SLC9A7: variants seen among roughly 807,000 people sequenced by gnomAD.
The protein encoded by SLC9A7 is sodium/hydrogen exchanger 7.
A neutral mutation model predicts 52.6 loss-of-function variants in SLC9A7; 19 were observed. The ratio of observed to expected loss-of-function variants is 0.36; its 90% CI spans 0.25 to 0.53. The LOEUF (loss-of-function observed/expected upper bound fraction) is 0.53, where lower values mean the gene tolerates loss of function less well. Among genes scored for constraint, SLC9A7 ranks in the 20% least tolerant of loss-of-function variants. SLC9A7 has a pLI of 0.91. For synonymous variants in SLC9A7, 226 were observed against 252.1 expected, an observed-to-expected ratio of 0.90 and a Z score of 0.98; for missense variants, 455 against 597.9, an observed-to-expected ratio of 0.76 and a Z score of 2.49.
At chrX:46,663,053 G>C (rs970216879) in intron 5 of SLC9A7, among the ~76,000 whole-genome samples, 1 of 112,692 alleles carries the variant, frequency 8.9e-6, no homozygotes, top group Non-Finnish European at 1.9e-5. Flanking sequence ...TGAGATTTTG[G>C]TCGGGCATGG....
At chrX:46,657,751 T>C in intron 7 of SLC9A7, among the ~76,000 whole-genome samples, 1 of 111,109 alleles carries the variant, frequency 9.0e-6, no homozygotes, top group Non-Finnish European at 1.9e-5. Context: ...CAAAGAGACT[T>C]AGACTCCCAC....
chrX:46,717,830 T>C (rs994456552), intron 1 of SLC9A7, among the ~76,000 whole-genome samples: 7 of 111,915 alleles, frequency 6.3e-5, no homozygotes, highest in African/African-American at 1.6e-4. Flanking sequence ...TCCATGCTCA[T>C]GGATAGGAAG....
In SLC9A7 at chrX:46,603,074, T is replaced by G. The variant is rs1439639142; in HGVS notation, c.*3878A>C. ...CAAAGGCAAGAAAGGGAGACCAGCCTGCATTTCCAGCTTCCTAACACACAA... is the reference window on the plus strand; with the variant it reads ...CAAAGGCAAGAAAGGGAGACCAGCCGGCATTTCCAGCTTCCTAACACACAA... On this transcript the variant is annotated 3_prime_UTR_variant, in exon 17 of 17. Transcript: ENST00000616978. 2 of 111,822 alleles carry G rather than the reference T, an allele frequency of 1.8e-5. No individual in the cohort carries two copies. The highest frequency in any genetic ancestry group is 3.8e-5 in the Non-Finnish European group (2 of 53,121). 9.2% of individuals were successfully genotyped at this position (111,822 alleles called of 1,213,427 possible). A position where few individuals can be genotyped will look rare whatever the true frequency, so the allele number is the denominator to read the frequency against.
chrX:46,640,533 GA>G (rs1168809717), intron 12 of SLC9A7, among the ~76,000 whole-genome samples: 2 of 110,276 alleles, frequency 1.8e-5, no homozygotes, highest in African/African-American at 3.3e-5. Flanking sequence ...ACCCATAAAA[GA>G]AAAAAAATGA....
intron 13 of SLC9A7, among the ~76,000 whole-genome samples, chrX:46,634,102 A>G (rs761731146): frequency 3.0e-4 from 34 of 111,911 alleles, no homozygotes; most frequent in African/African-American, 1.1e-3. Flanking sequence ...AACGCTTTTG[A>G]TCCAGGACAC....
chrX:46,627,768 A>G (rs1334375264), intron 14 of SLC9A7, among the ~76,000 whole-genome samples: 4 of 60,926 alleles, frequency 6.6e-5, no homozygotes, highest in African/African-American at 1.8e-4. Context: ...GCACAAAAAA[A>G]TGGGCGGGTT....
At chrX:46,677,865 AAACTCAATT>A (rs2075285035) in intron 3 of SLC9A7, among the ~76,000 whole-genome samples, 1 of 112,328 alleles carries the variant, frequency 8.9e-6, no homozygotes, top group African/African-American at 3.2e-5. Context: ...TTTTCATTAT[AAACTCAATT>A]TCTTTAATAT....
At chrX:46,690,793 G>T (rs769987911) in intron 1 of SLC9A7, among the ~76,000 whole-genome samples, 1 of 112,133 alleles carries the variant, frequency 8.9e-6, no homozygotes, top group Non-Finnish European at 1.9e-5. Flanking sequence ...ATGGTGTCAG[G>T]TTAAGGTCCA....
intron 1 of SLC9A7, among the ~76,000 whole-genome samples, chrX:46,706,381 T>G (rs1369001760): frequency 9.3e-6 from 1 of 108,003 alleles, no homozygotes; most frequent in Non-Finnish European, 1.9e-5. Flanking sequence ...GAGCTGGTAA[T>G]TAACAAAGCA....
intron 5 of SLC9A7, among the ~76,000 whole-genome samples, chrX:46,668,908 C>CT (rs2083234896): frequency 8.9e-6 from 1 of 111,735 alleles, no homozygotes; most frequent in East Asian, 2.8e-4. Context: ...TGGCTCACAC[C>CT]TGTAATCCCA....
intron 11 of SLC9A7, among the ~76,000 whole-genome samples, chrX:46,645,619 T>C (rs1174178310): frequency 1.9e-4 from 8 of 41,343 alleles, no homozygotes; most frequent in African/African-American, 1.5e-3. Context: ...CCCCACTCCC[T>C]TTTTTTTTTT....
intron 2 of SLC9A7, among the ~76,000 whole-genome samples, chrX:46,681,927 T>TA (rs1386877358): frequency 1.8e-5 from 2 of 112,170 alleles, no homozygotes; most frequent in African/African-American, 6.5e-5. Flanking sequence ...GAACTAAGAA[T>TA]TACCCTTCTG....
chrX:46,711,899 T>TACACACACACACAC lies in SLC9A7; in HGVS notation c.326-29378_326-29365dup, dbSNP rs57570264. Among the ~76,000 whole-genome samples, 646 of 91,141 alleles carry TACACACACACACAC rather than the reference T, an allele frequency of 7.1e-3. 9 individuals are homozygous for TACACACACACACAC. Among genetic ancestry groups the TACACACACACACAC allele is most frequent in the African/African-American group, 0.015 (349 of 23,051 alleles). The allele number at this position is 91,141 out of a possible 115,157, so 79.1% of individuals were successfully genotyped here. ...CCCTTTAACGGCACAGCCTCTAAAT[T>TACACACACACACAC]ACACACACACACACACACACACACA... On this transcript the variant is annotated intron_variant, in intron 1 of 16. Coordinates refer to ENST00000616978, the MANE Select transcript of SLC9A7 (RefSeq NM_001257291.2).
At chrX:46,694,532 T>G (rs144399049) in intron 1 of SLC9A7, among the ~76,000 whole-genome samples, 321 of 111,536 alleles carry the variant, frequency 2.9e-3, no homozygotes, top group Middle Eastern at 0.014. Flanking sequence ...ATTAAAACCA[T>G]AATGAAATAC....
At chrX:46,632,833 C>A (rs1943243727) in intron 13 of SLC9A7, among the ~76,000 whole-genome samples, 1 of 111,492 alleles carries the variant, frequency 9.0e-6, no homozygotes, top group South Asian at 3.8e-4. Flanking sequence ...CCTCTTGCAT[C>A]AAGATAGCCT....
chrX:46,738,234 C>T (rs1441912801), intron 1 of SLC9A7, among the ~76,000 whole-genome samples: 1 of 112,078 alleles, frequency 8.9e-6, no homozygotes, highest in Non-Finnish European at 1.9e-5. Context: ...TTTTCGTTAA[C>T]TTATATGTTC....
At chrX:46,702,816 G>T (rs1043216754) in intron 1 of SLC9A7, among the ~76,000 whole-genome samples, 2 of 112,175 alleles carry the variant, frequency 1.8e-5, no homozygotes, top group Non-Finnish European at 3.8e-5. Context: ...GGGATTACCA[G>T]GTCAAATGGT....
At chrX:46,664,047 C>T (rs1022567402) in intron 5 of SLC9A7, among the ~76,000 whole-genome samples, 1 of 111,111 alleles carries the variant, frequency 9.0e-6, no homozygotes, top group Non-Finnish European at 1.9e-5. Flanking sequence ...ATAATAATGA[C>T]GGGGGTGGGG....
intron 1 of SLC9A7, among the ~76,000 whole-genome samples, chrX:46,704,688 G>C (rs1336996612): frequency 8.9e-6 from 1 of 112,264 alleles, no homozygotes; most frequent in Non-Finnish European, 1.9e-5. Flanking sequence ...AGAACACGGA[G>C]TGGAGTATCT....
Sources: gnomAD v4.1 joint callset for allele counts (sites outside exome capture counted in the v4.1 genomes callset) on GRCh38, gnomAD v4.1.1 for gene constraint, MANE v1.5 for transcripts, NCBI Gene and HGNC (gene_info 2026-07-23, HGNC 2026-07-21) for gene names.